The following ADGRG6 variants were observed in gnomAD, a reference collection of about 807,000 sequenced individuals.
ADGRG6 encodes the protein G-protein coupled receptor 126.
ADGRG6 carries 84 observed loss-of-function variants against 142.4 expected under a neutral mutation model. That is an observed-to-expected ratio of 0.59 (90% CI 0.49 to 0.71). The LOEUF is 0.71. Ranked by LOEUF, ADGRG6 falls within the 30% of genes least tolerant of loss-of-function variation. The probability of loss-of-function intolerance (pLI) is 0.00; values close to 1 mark genes in which losing one functional copy is unlikely to be tolerated. For synonymous variants in ADGRG6, 521 were observed against 520.5 expected (o/e 1.00, Z -0.01); for missense variants, 1,367 against 1,466.6 (o/e 0.93, Z 1.11).
chr6:142,402,041 A>T lies in ADGRG6; in HGVS notation c.1727A>T (p.Asp576Val). ...TTGGTAACCTACTGGGGACCTGTTG[A>T]TATCTCCAACTGTTTAAGTAAGTGA... ...NPLVTYWGPV[D>V]ISNCLKEANE... The change falls in exon 12 of 25, where the codon GAT (aspartate) becomes GTT (valine). Residue 576 changes from aspartate to valine, a missense_variant. This residue lies in a region of ADGRG6 where 737 missense variants were observed against 746.5 expected (regional missense o/e 0.99). Transcript: ENST00000367609. 6.5e-7 allele frequency: 1 copy of T among 1,549,942 alleles called. No homozygotes were observed. The highest frequency in any genetic ancestry group is 8.9e-7 in the Non-Finnish European group (1 of 1,128,846).
intron 2 of ADGRG6, among the ~76,000 whole-genome samples, chr6:142,337,795 T>G (rs1779389932): frequency 6.6e-6 from 1 of 152,010 alleles, no homozygotes; most frequent in South Asian, 2.1e-4. Flanking sequence ...AATAATATTT[T>G]AACCTTTATA....
chr6:142,334,866 A>G (rs976383427), intron 2 of ADGRG6, among the ~76,000 whole-genome samples: 2 of 152,084 alleles, frequency 1.3e-5, no homozygotes, highest in Admixed American at 6.5e-5. Context: ...TTAAAACAGT[A>G]ATCAAATGAA....
intron 22 of ADGRG6, among the ~76,000 whole-genome samples, chr6:142,434,845 G>A (rs113126289): frequency 1.3e-5 from 2 of 152,186 alleles, no homozygotes; most frequent in African/African-American, 2.4e-5. Context: ...TCATTTTACT[G>A]TGATCAGGAC....
intron 2 of ADGRG6, among the ~76,000 whole-genome samples, chr6:142,354,994 C>A (rs1191109078): frequency 1.3e-5 from 2 of 152,102 alleles, no homozygotes; most frequent in Non-Finnish European, 2.9e-5. Context: ...ATTATCTTAG[C>A]GAATAACTTA....
At chr6:142,384,638 C>T (rs1298756744) in intron 6 of ADGRG6, among the ~76,000 whole-genome samples, 1 of 151,992 alleles carries the variant, frequency 6.6e-6, no homozygotes, top group Admixed American at 6.6e-5. Context: ...GCTTTGAATA[C>T]AGTAATATTC....
At chr6:142,414,549 G>A (rs925572996) in intron 18 of ADGRG6, among the ~76,000 whole-genome samples, 2 of 152,148 alleles carry the variant, frequency 1.3e-5, no homozygotes, top group Non-Finnish European at 2.9e-5. Flanking sequence ...GAACCTAAAG[G>A]CTTGAGGGTT....
intron 10 of ADGRG6, 121 bp from the exon 11 acceptor site, chr6:142,400,364 G>T (rs111826730): frequency 8.7e-5 from 49 of 560,804 alleles, no homozygotes; most frequent in African/African-American, 2.3e-4. Context: ...TAATATTTTG[G>T]TATTACATTA....
intron 22 of ADGRG6, among the ~76,000 whole-genome samples, chr6:142,436,231 G>A (rs6570511): frequency 0.23 from 34,601 of 152,038 alleles, 4,067 homozygotes; most frequent in Middle Eastern, 0.32. Flanking sequence ...ATGGAAACCC[G>A]GGACCAAGTC....
At chr6:142,344,785 C>T (rs1779815547) in intron 2 of ADGRG6, among the ~76,000 whole-genome samples, 1 of 151,916 alleles carries the variant, frequency 6.6e-6, no homozygotes, top group African/African-American at 2.4e-5. Flanking sequence ...GATACACAGA[C>T]ACAGCTTTTA....
Position 142,321,015 on chromosome 6 carries a change from G to A in ADGRG6, c.103+11371G>A, listed in dbSNP as rs561956365. ...ATAGTTATAATAATTAAATATTAAA[G>A]ACAAATATCCACCAAGAAAGAATTT... On this transcript the variant is annotated intron_variant, in intron 2 of 24. Transcript: ENST00000367609. 2.6e-5 allele frequency among the ~76,000 whole-genome samples: 4 copies of A among 151,392 alleles called. No homozygotes were observed. In the South Asian group the frequency reaches 8.4e-4, roughly 32 times the overall value.
rs79896456 is a variant in ADGRG6 at position 142,422,167 on chromosome 6, T to C, written c.3319+2063T>C. ...CTACATTATATCTAATTTTTTCTCTTTTTTTTTTTATTATACTTTAAGTTT... is the reference window on the plus strand; with the variant it reads ...CTACATTATATCTAATTTTTTCTCTCTTTTTTTTTATTATACTTTAAGTTT... On this transcript the variant is annotated intron_variant, in intron 22 of 24. Coordinates refer to ENST00000367609, the MANE Select transcript of ADGRG6 (RefSeq NM_198569.3). 1.2e-3 allele frequency among the ~76,000 whole-genome samples: 136 copies of C among 117,322 alleles called. 1 individual carries two copies. The East Asian group carries it at 0.014, about 12-fold the overall frequency. 77.0% of individuals were successfully genotyped at this position (117,322 alleles called of 152,430 possible).
At chr6:142,325,002 G>A (rs1296412856) in intron 2 of ADGRG6, among the ~76,000 whole-genome samples, 1 of 152,118 alleles carries the variant, frequency 6.6e-6, no homozygotes, top group Non-Finnish European at 1.5e-5. Flanking sequence ...CAAATAGAAT[G>A]AGGCACAACC....
At chr6:142,356,208 A>T (rs1780436366) in intron 2 of ADGRG6, among the ~76,000 whole-genome samples, 1 of 152,258 alleles carries the variant, frequency 6.6e-6, no homozygotes, top group Non-Finnish European at 1.5e-5. Flanking sequence ...CATCAAGAGC[A>T]CGCTAAAGCA....
rs553319820 is a variant in ADGRG6, at chr6:142,422,128, A to G, written c.3319+2024A>G. Among the ~76,000 whole-genome samples, 8 of 152,252 alleles carry G rather than the reference A, an allele frequency of 5.3e-5. 1 individual carries two copies. The South Asian group carries it at 1.7e-3, about 32-fold the overall frequency. On this transcript the variant is annotated intron_variant, in intron 22 of 24. Coordinates refer to ENST00000367609, the MANE Select transcript of ADGRG6 (RefSeq NM_198569.3). ...CAGTGAATGCAAAATGAACTCAGGT[A>G]GTAAGGAGGCAAACTACATTATATC...
chr6:142,420,230 A>G (rs1776595419), intron 22 of ADGRG6, 126 bp downstream of exon 22: 1 of 723,414 alleles, frequency 1.4e-6, no homozygotes, highest in Admixed American at 2.7e-5. Flanking sequence ...ATATAGTTCC[A>G]TGTGCAGTGT....
intron 10 of ADGRG6, among the ~76,000 whole-genome samples, chr6:142,399,439 C>T (rs563485226): frequency 6.6e-6 from 1 of 152,232 alleles, no homozygotes; most frequent in South Asian, 2.1e-4. Context: ...AGGGAGAATG[C>T]AAGCTGCTAC....
intron 2 of ADGRG6, among the ~76,000 whole-genome samples, chr6:142,313,962 C>T (rs1448837980): frequency 6.6e-6 from 1 of 152,026 alleles, no homozygotes; most frequent in Non-Finnish European, 1.5e-5. Flanking sequence ...TCTAATTGTA[C>T]AGACCATTTT....
intron 2 of ADGRG6, among the ~76,000 whole-genome samples, chr6:142,327,502 A>G (rs570789137): frequency 6.6e-6 from 1 of 152,266 alleles, no homozygotes; most frequent in Non-Finnish European, 1.5e-5. Context: ...CAGTTGGAAG[A>G]TAAGCTACTA....
At chr6:142,380,682 C>A (rs1324050105) in intron 4 of ADGRG6, among the ~76,000 whole-genome samples, 4 of 152,222 alleles carry the variant, frequency 2.6e-5, no homozygotes, top group African/African-American at 2.4e-5. Flanking sequence ...GCCTCCTGTG[C>A]CTCATGGGCC....
Sources: gnomAD v4.1 joint callset for allele counts (sites outside exome capture counted in the v4.1 genomes callset) on GRCh38, gnomAD v4.1.1 for gene constraint, gnomAD v4.1.1 regional missense constraint, MANE v1.5 for transcripts, NCBI Gene and HGNC (gene_info 2026-07-23, HGNC 2026-07-21) for gene names.